KCNMB3: variants seen among roughly 807,000 people sequenced by gnomAD.
KCNMB3 encodes the protein potassium calcium-activated channel subfamily M regulatory beta subunit 3.
In KCNMB3, 18 loss-of-function variants were observed where a neutral mutation model predicts 11.9. The observed-to-expected ratio is 1.51, with a 90% CI of 1.04 to 2.23. The LOEUF is 2.23. Ranked by LOEUF, KCNMB3 falls within the 30% of genes most tolerant of loss-of-function variation. The pLI is 0.00. For synonymous variants in KCNMB3, 78 were observed against 119.2 expected (o/e 0.65, Z 2.25); for missense variants, 247 against 329.4 (o/e 0.75, Z 1.94).
chr3:179,251,175 G>C (rs2108447122), upstream of KCNMB3: 14 of 1,610,182 alleles, frequency 8.7e-6, no homozygotes, highest in Non-Finnish European at 1.1e-5. Context: ...AAGAAATGTT[G>C]CCTCATGCAA....
downstream of KCNMB3, chr3:179,241,747 A>C (rs78069937): frequency 4.6e-5 from 7 of 153,512 alleles, no homozygotes; most frequent in East Asian, 1.3e-3. Flanking sequence ...TAAAGTACAG[A>C]CAATTGTTGA....
rs1026540942 is a variant in KCNMB3, at chr3:179,250,875, A to G, written c.116T>C (p.Leu39Pro). 1.2e-6 allele frequency: 2 copies of G among 1,614,112 alleles called. No homozygotes were observed. Among genetic ancestry groups the G allele is most frequent in the Non-Finnish European group, 1.7e-6 (2 of 1,180,020 alleles). The change falls in exon 1 of 3, where the codon CTA becomes CCA. Residue 39 changes from leucine (L) to proline (P), a missense_variant. Coordinates refer to ENST00000392685, the MANE Select transcript of KCNMB3 (RefSeq NM_171830.2). Reference protein sequence around the residue: ...RETDYSDGDPLDVHKRLPSSA... With the variant: ...RETDYSDGDPPDVHKRLPSSA... ...GGATGGCAGCCTCTTGTGCACATCT[A>G]GTGGGTCTCCATCACTGTAGTCTGT... is the stretch of plus-strand genomic sequence containing the variant.
chr3:179,245,867 A>G (rs756354735), intron 1 of KCNMB3, among the ~76,000 whole-genome samples: 9 of 152,244 alleles, frequency 5.9e-5, no homozygotes, highest in African/African-American at 9.6e-5. Context: ...AACATCCCAG[A>G]AGGGACAGAC....
At chr3:179,251,945 C>T (rs963332850), upstream of KCNMB3, among the ~76,000 whole-genome samples, 9 of 152,130 alleles carry the variant, frequency 5.9e-5, no homozygotes, top group East Asian at 1.9e-4. Flanking sequence ...TGGTCTCGAA[C>T]GCCTGACCTC....
intron 2 of KCNMB3, among the ~76,000 whole-genome samples, chr3:179,243,768 TTGGTTCCTGGGAGA>T (rs1460099921): frequency 2.0e-5 from 3 of 152,200 alleles, no homozygotes; most frequent in African/African-American, 7.2e-5. Flanking sequence ...CACCTGGACT[TTGGTTCCTGGGAGA>T]CAGAACCAGT....
downstream of KCNMB3, chr3:179,241,656 A>C (rs756687807): frequency 3.9e-5 from 6 of 152,232 alleles, no homozygotes; most frequent in Admixed American, 3.9e-4. Context: ...TTTTCCACTC[A>C]TAGATTCGGC....
At chr3:179,260,070 A>G (rs1726153716) in intron 1 of KCNMB3, 2 of 1,609,738 alleles carry the variant, frequency 1.2e-6, no homozygotes, top group African/African-American at 2.7e-5. Context: ...GGGGACCTCT[A>G]CCATACATCT....
chr3:179,243,242 G>A lies in KCNMB3; in HGVS notation c.490C>T (p.Leu164Phe). ...PKCHQDRNDL[L>F]NSALDIKEFF... ...TCTTTTATGTCCAGAGCACTGTTGA[G>A]CAAATCATTTCTATCTTGGTGGCAC... Residue 164 changes from leucine (L) to phenylalanine (F), a missense_variant, in exon 3 of 3, where the codon CTC (leucine) becomes TTC (phenylalanine). Physicochemically the swap from Leu to Phe is conservative, Grantham distance 22 (BLOSUM62 0). Around this residue, in one of 2 missense-constraint regions of KCNMB3, gnomAD observed 87 missense variants for 171.9 expected, o/e 0.51. Transcript: ENST00000392685. The A allele has an allele frequency of 7.5e-7, 1 of 1,332,162 alleles. No homozygotes were observed. Among genetic ancestry groups the A allele is most frequent in the Non-Finnish European group, 1.1e-6 (1 of 946,434 alleles). 82.5% of individuals were successfully genotyped at this position (1,332,162 alleles called of 1,614,324 possible). A position where few individuals can be genotyped will look rare whatever the true frequency, so the allele number is the denominator to read the frequency against.
At chr3:179,245,436 G>A (rs543131256) in intron 1 of KCNMB3, among the ~76,000 whole-genome samples, 18 of 151,772 alleles carry the variant, frequency 1.2e-4, no homozygotes, top group Admixed American at 2.0e-4. Flanking sequence ...CAATTCATCC[G>A]TATGTTCCTC....
exon 1 of KCNMB3, chr3:179,266,837 T>C: frequency 2.1e-6 from 3 of 1,448,146 alleles, no homozygotes; most frequent in Non-Finnish European, 2.7e-6. Context: ...CCAGCGCAGC[T>C]GCAGCCATTA....
At position 179,250,947 on chromosome 3, in the gene KCNMB3, G is replaced by A. The variant is rs1725822288; in HGVS notation, c.44C>T (p.Pro15Leu). 1.9e-6 allele frequency: 3 copies of A among 1,614,044 alleles called. No individual in the cohort carries two copies. Among genetic ancestry groups the A allele is most frequent in the African/African-American group, 1.3e-5 (1 of 74,912 alleles). The change falls in exon 1 of 3, where the codon CCC becomes CTC. Residue 15 changes from proline to leucine, a missense_variant. Transcript: ENST00000392685. ...LYELTAVSPSPFPQRTAFPAS... is the reference protein window; with the variant it reads ...LYELTAVSPSLFPQRTAFPAS... Reference sequence around the variant, plus strand: ...AGGAAAGGCTGTCCTTTGGGGAAAGGGAGAAGGAGATACTGCAGTGAGCTC... The same window carrying A: ...AGGAAAGGCTGTCCTTTGGGGAAAGAGAGAAGGAGATACTGCAGTGAGCTC...
intron 1 of KCNMB3, chr3:179,261,273 A>G (rs1488788779): frequency 8.5e-6 from 11 of 1,301,366 alleles, no homozygotes; most frequent in Non-Finnish European, 1.1e-5. Context: ...GGGCTGGTCA[A>G]CCTGCTGGGC....
chr3:179,256,278 A>G (rs1291358125), upstream of KCNMB3, among the ~76,000 whole-genome samples: 2 of 152,138 alleles, frequency 1.3e-5, no homozygotes, highest in African/African-American at 2.4e-5. Context: ...TCTACAAAAA[A>G]TACAAAAATT....
intron 1 of KCNMB3, among the ~76,000 whole-genome samples, chr3:179,264,282 CTTA>C (rs1490111107): frequency 6.6e-6 from 1 of 152,094 alleles, no homozygotes; most frequent in Non-Finnish European, 1.5e-5. Context: ...TAACCATTTC[CTTA>C]TTATTGAATA....
chr3:179,261,843 T>C (rs1252196923), intron 1 of KCNMB3, among the ~76,000 whole-genome samples: 1 of 152,156 alleles, frequency 6.6e-6, no homozygotes, highest in Non-Finnish European at 1.5e-5. Context: ...CCACTGTAAA[T>C]GGAGAACTAT....
upstream of KCNMB3, chr3:179,251,172 G>A (rs936606932): frequency 6.2e-7 from 1 of 1,610,884 alleles, no homozygotes; most frequent in African/African-American, 1.3e-5. Flanking sequence ...CCTAAGAAAT[G>A]TTGCCTCATG....
At chr3:179,258,876 T>C in intron 1 of KCNMB3, 1 of 1,577,828 alleles carries the variant, frequency 6.3e-7, no homozygotes, top group Non-Finnish European at 8.7e-7. Flanking sequence ...TAACAGTCTA[T>C]AACTTAAAGC....
At chr3:179,266,690 G>C (rs754507622) in exon 1 of KCNMB3, 4 of 1,614,156 alleles carry the variant, frequency 2.5e-6, no homozygotes, top group South Asian at 1.1e-5. Context: ...TGATTTGCAC[G>C]GGGATGCTGA....
At chr3:179,266,796 G>T (rs1354125233) in exon 1 of KCNMB3, 4 of 1,553,880 alleles carry the variant, frequency 2.6e-6, no homozygotes, top group Non-Finnish European at 3.5e-6. Flanking sequence ...GACATCCACG[G>T]AAGTGGAGTC....
Sources: gnomAD v4.1 joint callset for allele counts (sites outside exome capture counted in the v4.1 genomes callset) on GRCh38, gnomAD v4.1.1 for gene constraint, gnomAD v4.1.1 regional missense constraint, MANE v1.5 for transcripts, NCBI Gene and HGNC (gene_info 2026-07-23, HGNC 2026-07-21) for gene names.